Variants in MGMT observed in about 807,000 individuals in gnomAD.
MGMT encodes methylated-DNA--protein-cysteine methyltransferase.
Under a neutral mutation model 15.9 loss-of-function variants are expected in MGMT, and 14 were observed. That is an observed-to-expected ratio of 0.88 (90% CI 0.58 to 1.37). The LOEUF is 1.37. MGMT is among the 40% of genes most tolerant of loss of function. The probability of loss-of-function intolerance (pLI) is 0.00; values close to 1 mark genes in which losing one functional copy is unlikely to be tolerated. For synonymous variants in MGMT, 130 were observed against 118.2 expected (o/e 1.10, Z -0.65); for missense variants, 282 against 268.1 (o/e 1.05, Z -0.36).
intron 2 of MGMT, among the ~76,000 whole-genome samples, chr10:129,695,654 G>C (rs1848022193): frequency 6.6e-6 from 1 of 152,188 alleles, no homozygotes; most frequent in Non-Finnish European, 1.5e-5. Context: ...TTAGGGGTAG[G>C]TACATCTTAG....
chr10:129,487,225 A>T (rs1482152322), intron 1 of MGMT, among the ~76,000 whole-genome samples: 1 of 152,188 alleles, frequency 6.6e-6, no homozygotes, highest in Non-Finnish European at 1.5e-5. Flanking sequence ...ATGGGGGTCC[A>T]CATGAGCATA....
chr10:129,560,254 A>G (rs1452561166), intron 2 of MGMT, among the ~76,000 whole-genome samples: 1 of 152,214 alleles, frequency 6.6e-6, no homozygotes, highest in Non-Finnish European at 1.5e-5. Context: ...GAGATCATTC[A>G]AGGAATTGCT....
intron 2 of MGMT, among the ~76,000 whole-genome samples, chr10:129,662,208 G>A (rs998866757): frequency 1.3e-5 from 2 of 152,152 alleles, no homozygotes; most frequent in African/African-American, 4.8e-5. Flanking sequence ...AGGGGAAGTA[G>A]AGTAAGATCA....
At chr10:129,708,132 C>T in intron 3 of MGMT, 89 bp downstream of exon 3, 4 of 1,486,116 alleles carry the variant, frequency 2.7e-6, no homozygotes, top group South Asian at 1.3e-5. Flanking sequence ...ATTGAGTATA[C>T]CAACTTGGTA....
chr10:129,512,736 T>C (rs2119701991), intron 1 of MGMT, among the ~76,000 whole-genome samples: 1 of 152,296 alleles, frequency 6.6e-6, no homozygotes, highest in South Asian at 2.1e-4. Context: ...ATAAGTATAT[T>C]TGATAACGTT....
At chr10:129,523,199 C>T (rs1198408243) in intron 1 of MGMT, among the ~76,000 whole-genome samples, 5 of 152,320 alleles carry the variant, frequency 3.3e-5, no homozygotes, top group African/African-American at 4.8e-5. Flanking sequence ...ATGTGCGACC[C>T]GGCGGGGGCC....
intron 2 of MGMT, among the ~76,000 whole-genome samples, chr10:129,611,601 G>A (rs1369060547): frequency 1.3e-5 from 2 of 152,206 alleles, no homozygotes; most frequent in Non-Finnish European, 2.9e-5. Flanking sequence ...ATCGGGCAAG[G>A]GAGAAGCAGG....
intron 2 of MGMT, among the ~76,000 whole-genome samples, chr10:129,598,334 T>C (rs1229298135): frequency 6.6e-6 from 1 of 152,212 alleles, no homozygotes; most frequent in Middle Eastern, 3.2e-3. Flanking sequence ...TCTTGTTCTT[T>C]CTGGCGGCTT....
At chr10:129,595,476 C>T (rs542457360) in intron 2 of MGMT, among the ~76,000 whole-genome samples, 42 of 152,302 alleles carry the variant, frequency 2.8e-4, no homozygotes, top group African/African-American at 1.0e-3. Context: ...ACAAAGGTGT[C>T]TGATCCCCCG....
At chr10:129,653,617 T>C (rs1847488499) in intron 2 of MGMT, among the ~76,000 whole-genome samples, 2 of 152,192 alleles carry the variant, frequency 1.3e-5, no homozygotes, top group African/African-American at 4.8e-5. Flanking sequence ...TTGACTGTGG[T>C]CAGCACTGGA....
chr10:129,759,491 A>C, intron 4 of MGMT, 150 bp downstream of exon 4: 2 of 1,238,490 alleles, frequency 1.6e-6, no homozygotes, highest in Non-Finnish European at 2.3e-6. Context: ...ATTATGCCAG[A>C]TGCCTCCAGA....
intron 1 of MGMT, among the ~76,000 whole-genome samples, chr10:129,528,175 A>G (rs878953290): frequency 2.0e-5 from 3 of 152,190 alleles, no homozygotes; most frequent in Admixed American, 2.0e-4. Flanking sequence ...CTGTTATTCT[A>G]AATGCTGGGG....
intron 2 of MGMT, among the ~76,000 whole-genome samples, chr10:129,704,998 A>G (rs1589947437): frequency 6.6e-6 from 1 of 152,108 alleles, no homozygotes; most frequent in East Asian, 1.9e-4. Flanking sequence ...TTTCCCCCAC[A>G]TCTCCCCCAA....
chr10:129,500,618 C>T lies in MGMT; in HGVS notation c.-13+33322C>T, dbSNP rs928876964. ...GCTCTGTTGCCCAGGTGCAGTGGTG[C>T]GATCTCAGCTCACTGTAACCTCCAC... On this transcript the variant is annotated intron_variant, in intron 1 of 4. Coordinates refer to ENST00000651593, the MANE Select transcript of MGMT (RefSeq NM_002412.5). Among the ~76,000 whole-genome samples, 18 of 152,098 alleles carry T rather than the reference C, an allele frequency of 1.2e-4. No individual in the cohort carries two copies. In the East Asian group the frequency reaches 1.9e-3, roughly 16 times the overall value.
At chr10:129,587,357 T>G (rs933734580) in intron 2 of MGMT, among the ~76,000 whole-genome samples, 1 of 151,454 alleles carries the variant, frequency 6.6e-6, no homozygotes, top group East Asian at 1.9e-4. Flanking sequence ...TGGTAGTTTC[T>G]ATTATGTTTT....
intron 1 of MGMT, among the ~76,000 whole-genome samples, chr10:129,500,752 T>C (rs1845566839): frequency 6.6e-6 from 1 of 152,124 alleles, no homozygotes; most frequent in Non-Finnish European, 1.5e-5. Context: ...TGCTTCACCA[T>C]GTTGCCCAGA....
chr10:129,646,202 C>T (rs898088587), intron 2 of MGMT, among the ~76,000 whole-genome samples: 2 of 152,158 alleles, frequency 1.3e-5, no homozygotes, highest in Non-Finnish European at 2.9e-5. Context: ...GTCCCCAGGA[C>T]TCTGAGGCCC....
At chr10:129,593,792 C>T (rs1341964198) in intron 2 of MGMT, among the ~76,000 whole-genome samples, 1 of 152,130 alleles carries the variant, frequency 6.6e-6, no homozygotes, top group Non-Finnish European at 1.5e-5. Context: ...CCTTTCCTTA[C>T]AAGGTAGTGG....
At chr10:129,672,918 G>T (rs918397174) in intron 2 of MGMT, among the ~76,000 whole-genome samples, 59 of 152,168 alleles carry the variant, frequency 3.9e-4, no homozygotes, top group Non-Finnish European at 2.9e-5. Flanking sequence ...TATTGCCCGG[G>T]AGGATGTTTT....
Sources: gnomAD v4.1 joint callset for allele counts (sites outside exome capture counted in the v4.1 genomes callset) on GRCh38, gnomAD v4.1.1 for gene constraint, MANE v1.5 for transcripts, NCBI Gene and HGNC (gene_info 2026-07-23, HGNC 2026-07-21) for gene names.